UBN2: variants seen among roughly 807,000 people sequenced by gnomAD.
UBN2 encodes the protein ubinuclein-2.
Under a neutral mutation model 120.2 loss-of-function variants are expected in UBN2, and 35 were observed. The ratio of observed to expected loss-of-function variants is 0.29; its 90% CI spans 0.22 to 0.39. The LOEUF (loss-of-function observed/expected upper bound fraction) is 0.39, where lower values mean the gene tolerates loss of function less well. Ranked by LOEUF, UBN2 falls within the 10% of genes least tolerant of loss-of-function variation. UBN2 has a pLI of 1.00. For missense variants in UBN2, 1,693 were observed against 1,663.2 expected (o/e 1.02, Z -0.31); for synonymous variants, 661 against 648.7 (o/e 1.02, Z -0.29).
chr7:139,319,226 G>A, the UBN2 span, among the ~76,000 whole-genome samples: 4 of 152,162 alleles, frequency 2.6e-5, no homozygotes, highest in Admixed American at 6.6e-5. Context: ...GGGATTACAG[G>A]TGGGCACCAC....
At chr7:139,263,031 C>A (rs188295373) in intron 6 of UBN2, among the ~76,000 whole-genome samples, 2 of 151,990 alleles carry the variant, frequency 1.3e-5, no homozygotes, top group Non-Finnish European at 2.9e-5. Context: ...TTGGCTGTTA[C>A]GAAGGTTAAA....
intron 6 of UBN2, 86 bp from the exon 7 acceptor site, chr7:139,266,246 GA>G (rs974367743): frequency 3.7e-5 from 19 of 518,548 alleles, no homozygotes; most frequent in East Asian, 2.1e-4. Flanking sequence ...AAAAAAAAAA[GA>G]AAAAAACCTT....
the UBN2 span, among the ~76,000 whole-genome samples, chr7:139,325,366 C>G: frequency 4.0e-4 from 59 of 146,766 alleles, 1 homozygote; most frequent in African/African-American, 1.5e-3. Context: ...CTCCCGGGTT[C>G]AAGTGATTCT....
At chr7:139,233,145 C>G (rs1361826837) in intron 1 of UBN2, among the ~76,000 whole-genome samples, 3 of 152,124 alleles carry the variant, frequency 2.0e-5, no homozygotes, top group African/African-American at 7.2e-5. Flanking sequence ...TCATGGCCAG[C>G]TAATGTTTTG....
At chr7:139,252,387 A>G (rs1355258169) in intron 3 of UBN2, among the ~76,000 whole-genome samples, 1 of 152,208 alleles carries the variant, frequency 6.6e-6, no homozygotes, top group Non-Finnish European at 1.5e-5. Context: ...CAAGTTTGCC[A>G]TTGTAGCATG....
chr7:139,278,181 CTTTT>C (rs75636576), intron 12 of UBN2, among the ~76,000 whole-genome samples: 39 of 133,806 alleles, frequency 2.9e-4, no homozygotes, highest in Non-Finnish European at 5.5e-4. Flanking sequence ...CTCTCTCTGG[CTTTT>C]TTTTTTTTTT....
chr7:139,257,358 C>A (rs912447392), intron 3 of UBN2, among the ~76,000 whole-genome samples: 8 of 152,106 alleles, frequency 5.3e-5, no homozygotes, highest in African/African-American at 1.9e-4. Flanking sequence ...CTATTCAATT[C>A]TTTTAAAATA....
chr7:139,315,132 C>A, the UBN2 span, among the ~76,000 whole-genome samples: 1 of 151,912 alleles, frequency 6.6e-6, no homozygotes, highest in African/African-American at 2.4e-5. Flanking sequence ...CCCACCACCA[C>A]GCCCGGCTAA....
At chr7:139,320,075 C>T in the UBN2 span, among the ~76,000 whole-genome samples, 237 of 130,730 alleles carry the variant, frequency 1.8e-3, 2 homozygotes, top group East Asian at 2.2e-4. Context: ...GACTCCGTCT[C>T]AAAAAAAAAA....
At chr7:139,296,617 C>G (rs1403270803) in intron 17 of UBN2, among the ~76,000 whole-genome samples, 1 of 152,146 alleles carries the variant, frequency 6.6e-6, no homozygotes, top group Non-Finnish European at 1.5e-5. Flanking sequence ...TTACCCTTGC[C>G]CTGGTATCCC....
chr7:139,265,646 T>G (rs763100739), intron 6 of UBN2, among the ~76,000 whole-genome samples: 2 of 152,120 alleles, frequency 1.3e-5, no homozygotes, highest in African/African-American at 4.8e-5. Flanking sequence ...CTATGGCCCA[T>G]AAATGCAATC....
chr7:139,264,245 C>T (rs1232975798), intron 6 of UBN2, among the ~76,000 whole-genome samples: 1 of 152,166 alleles, frequency 6.6e-6, no homozygotes. Flanking sequence ...GGCTTTTTAA[C>T]TTCCTCTTAG....
the UBN2 span, among the ~76,000 whole-genome samples, chr7:139,328,583 G>A: frequency 2.6e-5 from 4 of 152,224 alleles, 1 homozygote; most frequent in Non-Finnish European, 4.4e-5. Flanking sequence ...AGATGATGGA[G>A]CTGAGACATA....
At chr7:139,246,363 G>C (rs941625353) in intron 2 of UBN2, among the ~76,000 whole-genome samples, 1 of 151,986 alleles carries the variant, frequency 6.6e-6, no homozygotes, top group Non-Finnish European at 1.5e-5. Context: ...GTGAGACTCC[G>C]TCTCAAAAAA....
At chr7:139,260,811 T>C (rs988918798) in intron 5 of UBN2, among the ~76,000 whole-genome samples, 1 of 152,244 alleles carries the variant, frequency 6.6e-6, no homozygotes, top group Non-Finnish European at 1.5e-5. Flanking sequence ...TTTTCAACTT[T>C]ATAACTTATT....
At chr7:139,295,467 A>G (rs1431741206) in intron 17 of UBN2, among the ~76,000 whole-genome samples, 4 of 152,162 alleles carry the variant, frequency 2.6e-5, no homozygotes, top group Non-Finnish European at 1.5e-5. Flanking sequence ...GAATGTGGCC[A>G]CCTGCAAGGA....
At chr7:139,324,044 A>C in the UBN2 span, among the ~76,000 whole-genome samples, 1 of 152,090 alleles carries the variant, frequency 6.6e-6, no homozygotes, top group East Asian at 1.9e-4. Flanking sequence ...GTGTGGTAGC[A>C]GACTTCCCCT....
chr7:139,283,069 G>C lies in UBN2; in HGVS notation c.2164G>C (p.Ala722Pro), dbSNP rs369323955. Reference protein sequence around the residue: ...KDQKTPTSLVASVSGPPTSSS... With the variant: ...KDQKTPTSLVPSVSGPPTSSS... Reference sequence around the variant, plus strand: ...CCAGAAAACTCCAACATCCCTGGTGGCTTCGGTTAGCGGTCCTCCAACGAG... The same window carrying C: ...CCAGAAAACTCCAACATCCCTGGTGCCTTCGGTTAGCGGTCCTCCAACGAG... The change falls in exon 15 of 18, where the codon GCT becomes CCT. Residue 722 changes from alanine (A) to proline (P), a missense_variant. Around this residue, in one of 5 missense-constraint regions of UBN2, gnomAD observed 837 missense variants for 817.6 expected, o/e 1.02. Transcript: ENST00000473989. The C allele has an allele frequency of 6.2e-6, 10 of 1,612,056 alleles. No homozygotes were observed. The highest frequency in any genetic ancestry group is 2.7e-5 in the African/African-American group (2 of 74,490).
chr7:139,318,764 T>C, the UBN2 span, among the ~76,000 whole-genome samples: 2 of 152,162 alleles, frequency 1.3e-5, no homozygotes, highest in Non-Finnish European at 2.9e-5. Flanking sequence ...CTAGGGACAT[T>C]ACCAACCCAA....
Sources: gnomAD v4.1 joint callset for allele counts (sites outside exome capture counted in the v4.1 genomes callset) on GRCh38, gnomAD v4.1.1 for gene constraint, gnomAD v4.1.1 regional missense constraint, MANE v1.5 for transcripts, NCBI Gene and HGNC (gene_info 2026-07-23, HGNC 2026-07-21) for gene names.